Variants in TRIM9 observed in about 807,000 individuals in gnomAD.
The protein encoded by TRIM9 is E3 ubiquitin-protein ligase TRIM9.
In TRIM9, 26 loss-of-function variants were observed where a neutral mutation model predicts 78.3. The ratio of observed to expected loss-of-function variants is 0.33; its 90% CI spans 0.24 to 0.46. The LOEUF is 0.46. TRIM9 is among the 20% of genes least tolerant of loss of function. The probability of loss-of-function intolerance (pLI) is 1.00; values close to 1 mark genes in which losing one functional copy is unlikely to be tolerated. For synonymous variants in TRIM9, 398 were observed against 416.5 expected, an observed-to-expected ratio of 0.96 and a Z score of 0.54; for missense variants, 787 against 1,036.4, an observed-to-expected ratio of 0.76 and a Z score of 3.30.
At chr14:50,993,867 C>A (rs1402687647) in intron 7 of TRIM9, among the ~76,000 whole-genome samples, 1 of 152,128 alleles carries the variant, frequency 6.6e-6, no homozygotes, top group African/African-American at 2.4e-5. Flanking sequence ...TTATACTTAA[C>A]CTCTCAGCAG....
At chr14:51,031,477 C>A (rs1294327617) in intron 1 of TRIM9, among the ~76,000 whole-genome samples, 1 of 152,158 alleles carries the variant, frequency 6.6e-6, no homozygotes, top group Non-Finnish European at 1.5e-5. Context: ...AGTTAGCACA[C>A]CCAGATGGAT....
At chr14:51,062,067 G>A (rs761234283) in intron 1 of TRIM9, among the ~76,000 whole-genome samples, 31 of 151,760 alleles carry the variant, frequency 2.0e-4, no homozygotes, top group African/African-American at 3.4e-4. Context: ...TCTTTCTGCC[G>A]CTATATCCAG....
intron 1 of TRIM9, among the ~76,000 whole-genome samples, chr14:51,053,193 T>C (rs1053019129): frequency 6.6e-6 from 1 of 151,888 alleles, no homozygotes; most frequent in African/African-American, 2.4e-5. Context: ...ACTTGTCATT[T>C]TACTATCTAT....
chr14:51,025,922 C>T (rs770489973), intron 1 of TRIM9, among the ~76,000 whole-genome samples: 1 of 152,176 alleles, frequency 6.6e-6, no homozygotes, highest in Non-Finnish European at 1.5e-5. Flanking sequence ...AGCCCTGCTG[C>T]CCTAGCACAT....
rs1422321809 is a variant in TRIM9, at chr14:50,977,038, C to G, written c.*253G>C. 1 of 347,492 alleles carries G rather than the reference C, an allele frequency of 2.9e-6. No homozygotes were observed. The highest frequency in any genetic ancestry group is 5.2e-6 in the Non-Finnish European group (1 of 193,766). The allele number at this position is 347,492 out of a possible 1,614,324, so 21.5% of individuals were successfully genotyped here. A position where few individuals can be genotyped will look rare whatever the true frequency, so the allele number is the denominator to read the frequency against. On this transcript the variant is annotated 3_prime_UTR_variant, in exon 13 of 13. Transcript: ENST00000684578. ...AAATCTGGGAGTGGGAACCAAGTGA[C>G]TTGGTGGGCTGTCTAGGTCCTTTGT...
At position 51,094,500 on chromosome 14, in the gene TRIM9, T is replaced by G. The variant is rs1436186015; in HGVS notation, c.440A>C (p.Lys147Thr). The G allele has an allele frequency of 6.2e-7, 1 of 1,613,594 alleles. No individual in the cohort carries two copies. Among genetic ancestry groups the G allele is most frequent in the East Asian group, 2.2e-5 (1 of 44,886 alleles). ...AATTACCCCTTCCAGTACGCGATTC[T>G]TGGGGAAGCCGCGGAGCCCCCGGTC... is the stretch of plus-strand genomic sequence containing the variant. ...LDDRGLRGFPKNRVLEGVIDR... is the reference protein window; with the variant it reads ...LDDRGLRGFPTNRVLEGVIDR... The change falls in exon 1 of 13, where the codon AAG becomes ACG. Residue 147 changes from lysine (K) to threonine (T), a missense_variant. By Grantham distance (78) the Lys-to-Thr change is moderately conservative. Around this residue, in one of 3 missense-constraint regions of TRIM9, gnomAD observed 352 missense variants for 472.3 expected, o/e 0.75. Coordinates refer to ENST00000684578, the MANE Select transcript of TRIM9 (RefSeq NM_001387360.1).
chr14:50,988,972 G>T (rs2053124796), intron 7 of TRIM9, among the ~76,000 whole-genome samples: 2 of 152,144 alleles, frequency 1.3e-5, no homozygotes, highest in Non-Finnish European at 2.9e-5. Flanking sequence ...CCTCTAGTTG[G>T]CAGTTATTGC....
chr14:51,066,273 A>G (rs4516123), intron 1 of TRIM9, among the ~76,000 whole-genome samples: 123,403 of 152,154 alleles, frequency 0.81, 50,149 homozygotes, highest in South Asian at 0.86. Context: ...ACCAATTCCC[A>G]TCAGACTTTT....
rs76466543 is a variant in TRIM9, at chr14:51,013,330, A to C, written c.1042-2836T>G. On this transcript the variant is annotated intron_variant, in intron 3 of 12. Coordinates refer to ENST00000684578, the MANE Select transcript of TRIM9 (RefSeq NM_001387360.1). ...TAGTCTTAGCACCTTGTGAAAAATC[A>C]TTTGAGCAAGTATGTAAGAGTTTAT... Among the ~76,000 whole-genome samples the C allele has an allele frequency of 7.6e-3, 1,153 of 151,828 alleles. 20 individuals are homozygous for C. Among genetic ancestry groups the C allele is most frequent in the African/African-American group, 0.026 (1,094 of 41,368 alleles).
chr14:51,001,287 C>A (rs2054972650), intron 5 of TRIM9, among the ~76,000 whole-genome samples: 1 of 146,788 alleles, frequency 6.8e-6, no homozygotes, highest in African/African-American at 2.5e-5. Context: ...TGGAGTGCAG[C>A]GGCACAATCT....
intron 1 of TRIM9, among the ~76,000 whole-genome samples, chr14:51,073,747 G>C (rs1294318906): frequency 6.6e-6 from 1 of 152,140 alleles, no homozygotes; most frequent in Non-Finnish European, 1.5e-5. Flanking sequence ...ATCAGTTTGT[G>C]GAAATTCATT....
intron 3 of TRIM9, among the ~76,000 whole-genome samples, chr14:51,019,515 A>G (rs1470273864): frequency 6.6e-6 from 1 of 152,200 alleles, no homozygotes; most frequent in Non-Finnish European, 1.5e-5. Context: ...ATGATCAATT[A>G]TGAACTCATG....
chr14:51,042,095 C>A (rs1456000334), intron 1 of TRIM9, among the ~76,000 whole-genome samples: 1 of 152,194 alleles, frequency 6.6e-6, no homozygotes, highest in Non-Finnish European at 1.5e-5. Context: ...GACCATGATG[C>A]AGGCCCTCTG....
intron 1 of TRIM9, among the ~76,000 whole-genome samples, chr14:51,040,786 T>C (rs2059526248): frequency 6.6e-6 from 1 of 152,244 alleles, no homozygotes; most frequent in African/African-American, 2.4e-5. Flanking sequence ...TCTCTGTTAG[T>C]ACTAACATTA....
At chr14:50,981,416 T>G (rs1212346862) in intron 11 of TRIM9, among the ~76,000 whole-genome samples, 1 of 152,240 alleles carries the variant, frequency 6.6e-6, no homozygotes, top group Non-Finnish European at 1.5e-5. Flanking sequence ...AATTTTATTG[T>G]ACTAATTTGA....
At chr14:51,058,961 A>C (rs1159841630) in intron 1 of TRIM9, among the ~76,000 whole-genome samples, 2 of 152,234 alleles carry the variant, frequency 1.3e-5, no homozygotes, top group Non-Finnish European at 2.9e-5. Context: ...GAAGGAAAGA[A>C]GGGTTGCGGA....
chr14:51,079,087 T>C (rs1220569861), intron 1 of TRIM9, among the ~76,000 whole-genome samples: 2 of 152,230 alleles, frequency 1.3e-5, no homozygotes, highest in Non-Finnish European at 2.9e-5. Context: ...TTCACAAAAA[T>C]CTTTTGTACA....
chr14:51,085,055 C>T (rs1013870176), intron 1 of TRIM9, among the ~76,000 whole-genome samples: 20 of 152,350 alleles, frequency 1.3e-4, no homozygotes, highest in African/African-American at 4.6e-4. Context: ...ATGCCTTAGA[C>T]TGATAGACAG....
rs1566573134 is a variant in TRIM9 at position 51,009,175 on chromosome 14, G to T, written c.1211C>A (p.Thr404Lys). ...GTCCGTGGTCATCCTTGGAGTGAGT[G>T]TGCCTTTACCCCACTGATCCTCAGT... ...HLTEDQWGKG[T>K]LTPRMTTDFD... The change falls in exon 5 of 13, where the codon ACA (threonine) becomes AAA (lysine). Residue 404 changes from threonine (T) to lysine (K), a missense_variant. Around this residue, in one of 3 missense-constraint regions of TRIM9, gnomAD observed 421 missense variants for 514.3 expected, o/e 0.82. Coordinates refer to ENST00000684578, the MANE Select transcript of TRIM9 (RefSeq NM_001387360.1). The T allele has an allele frequency of 1.2e-6, 2 of 1,614,104 alleles. No individual in the cohort carries two copies. Among genetic ancestry groups the T allele is most frequent in the East Asian group, 4.5e-5 (2 of 44,882 alleles).
Sources: gnomAD v4.1 joint callset for allele counts (sites outside exome capture counted in the v4.1 genomes callset) on GRCh38, gnomAD v4.1.1 for gene constraint, gnomAD v4.1.1 regional missense constraint, MANE v1.5 for transcripts, NCBI Gene and HGNC (gene_info 2026-07-23, HGNC 2026-07-21) for gene names.